DOP1B: variants seen among roughly 807,000 people sequenced by gnomAD.
DOP1B encodes DOP1 leucine zipper like protein B, also known as protein DOP1B.
DOP1B carries 174 observed loss-of-function variants against 233.5 expected under a neutral mutation model. That is an observed-to-expected ratio of 0.75 (90% CI 0.66 to 0.85). DOP1B has a LOEUF of 0.85. Among genes scored for constraint, DOP1B ranks in the 40% least tolerant of loss-of-function variants. The pLI is 0.00. For synonymous variants in DOP1B, 1,190 were observed against 1,185.6 expected (o/e 1.00, Z -0.08); for missense variants, 2,652 against 2,846.6 (o/e 0.93, Z 1.56).
In DOP1B at chr21:36,176,097, C is replaced by CCTGTGTGTGTGTGTGTGTGT. The variant is rs1555886144; in HGVS notation, c.138+11226_138+11227insCTGTGTGTGTGTGTGTGTGT. 8.5e-5 allele frequency among the ~76,000 whole-genome samples: 12 copies of CCTGTGTGTGTGTGTGTGTGT among 141,848 alleles called. 2 individuals carry two copies. Among genetic ancestry groups the CCTGTGTGTGTGTGTGTGTGT allele is most frequent in the African/African-American group, 3.1e-4 (12 of 38,884 alleles). 93.1% of individuals were successfully genotyped at this position (141,848 alleles called of 152,430 possible). ...GAGCTTCGACTTTGGGGTGTGTGTG[C>CCTGTGTGTGTGTGTGTGTGT]GTGTGTGTGTGTGTGTGTGTGTGTG... On this transcript the variant is annotated intron_variant, in intron 2 of 36. Coordinates refer to ENST00000691173, the MANE Select transcript of DOP1B (RefSeq NM_001320714.2).
chr21:36,199,889 A>G (rs541723343), intron 3 of DOP1B, among the ~76,000 whole-genome samples: 6 of 152,312 alleles, frequency 3.9e-5, no homozygotes, highest in African/African-American at 1.2e-4. Flanking sequence ...TAGTGTTGCA[A>G]TAAATATACG....
At chr21:36,252,033 C>T (rs972802178) in intron 22 of DOP1B, among the ~76,000 whole-genome samples, 154 of 152,016 alleles carry the variant, frequency 1.0e-3, no homozygotes, top group African/African-American at 3.5e-3. Context: ...AAAAATTAGC[C>T]GGGCGTGGTG....
chr21:36,287,819 T>TCAAG (rs2067504319), intron 32 of DOP1B, among the ~76,000 whole-genome samples, 195 bp from the exon 33 acceptor site: 5 of 151,992 alleles, frequency 3.3e-5, no homozygotes, highest in African/African-American at 4.8e-5. Flanking sequence ...ACTCCTTATC[T>TCAAG]TGTTATCCGC....
At chr21:36,249,724 C>T (rs959200944) in intron 21 of DOP1B, among the ~76,000 whole-genome samples, 23 of 152,148 alleles carry the variant, frequency 1.5e-4, no homozygotes, top group African/African-American at 5.1e-4. Flanking sequence ...ATCTGTGTTA[C>T]TGTGTGTGGC....
chr21:36,212,969 A>G (rs987909435), intron 7 of DOP1B, among the ~76,000 whole-genome samples: 1 of 152,068 alleles, frequency 6.6e-6, no homozygotes. Context: ...TTTAGTAGAG[A>G]TGGGGTTTCG....
chr21:36,238,047 A>G (rs1361748979), intron 16 of DOP1B, among the ~76,000 whole-genome samples: 1 of 152,160 alleles, frequency 6.6e-6, no homozygotes, highest in Non-Finnish European at 1.5e-5. Context: ...CATGCCTGTA[A>G]TCCCAGCTAC....
At chr21:36,228,319 C>G (rs538290364) in intron 13 of DOP1B, among the ~76,000 whole-genome samples, 239 of 152,096 alleles carry the variant, frequency 1.6e-3, no homozygotes, top group African/African-American at 5.5e-3. Flanking sequence ...AAAAATTAGC[C>G]AGGCATGGTG....
chr21:36,235,911 A>G (rs1278833516), intron 15 of DOP1B, among the ~76,000 whole-genome samples: 1 of 151,944 alleles, frequency 6.6e-6, no homozygotes, highest in Non-Finnish European at 1.5e-5. Flanking sequence ...TCAGAATTCA[A>G]TTGTAATGTG....
intron 2 of DOP1B, among the ~76,000 whole-genome samples, chr21:36,196,731 A>G (rs368737765): frequency 1.9e-4 from 29 of 152,154 alleles, no homozygotes; most frequent in South Asian, 1.7e-3. Context: ...ATTCTGAGCA[A>G]TGTAGGGAGA....
At chr21:36,241,116 A>C (rs541020902) in intron 18 of DOP1B, among the ~76,000 whole-genome samples, 107 of 152,086 alleles carry the variant, frequency 7.0e-4, no homozygotes, top group African/African-American at 2.5e-3. Context: ...AACACGGTGA[A>C]ACCCCATCTC....
chr21:36,236,504 C>T (rs1385252634), intron 15 of DOP1B, among the ~76,000 whole-genome samples: 1 of 152,184 alleles, frequency 6.6e-6, no homozygotes, highest in Non-Finnish European at 1.5e-5. Flanking sequence ...AATGAGTGAT[C>T]TTGACAACCA....
intron 9 of DOP1B, 82 bp from the exon 10 acceptor site, chr21:36,219,290 T>TGTCTTATGTATATAC: frequency 6.5e-7 from 1 of 1,540,378 alleles, no homozygotes. Context: ...ACTGTATATA[T>TGTCTTATGTATATAC]GTCTTATGTA....
At chr21:36,260,558 G>T in intron 23 of DOP1B, 119 bp from the exon 24 acceptor site, 1 of 1,354,838 alleles carries the variant, frequency 7.4e-7, no homozygotes, top group East Asian at 2.3e-5. Flanking sequence ...ATATCTGAAA[G>T]ATTCTTTAGT....
intron 12 of DOP1B, among the ~76,000 whole-genome samples, 166 bp downstream of exon 12, chr21:36,225,833 TTAA>T (rs2066676400): frequency 6.6e-6 from 1 of 152,250 alleles, no homozygotes; most frequent in Non-Finnish European, 1.5e-5. Flanking sequence ...ATGTAATCTC[TTAA>T]ATTTTTAATG....
chr21:36,209,133 T>C (rs926889248), intron 5 of DOP1B, among the ~76,000 whole-genome samples: 1 of 152,192 alleles, frequency 6.6e-6, no homozygotes, highest in Non-Finnish European at 1.5e-5. Context: ...GTTTTTGTTT[T>C]TGTTTTGAGA....
intron 15 of DOP1B, 29 bp downstream of exon 15, chr21:36,233,104 T>C (rs1276918369): frequency 3.7e-6 from 6 of 1,607,298 alleles, no homozygotes; most frequent in Non-Finnish European, 5.1e-6. Flanking sequence ...ACTCTTCTTA[T>C]GGCCTCCTTC....
Position 36,230,983 on chromosome 21 carries a change from G to A in DOP1B, c.2199G>A (p.Glu733=). The A allele has an allele frequency of 6.2e-7, 1 of 1,614,214 alleles. No individual in the cohort carries two copies. The highest frequency in any genetic ancestry group is 8.5e-7 in the Non-Finnish European group (1 of 1,180,038). Residue 733 remains glutamate, a synonymous_variant, in exon 14 of 37, where the codon GAG becomes GAA. Transcript: ENST00000691173. The stretch of plus-strand genomic sequence containing the variant: ...AAAACGGGGGAGAATGGGATGTTGA[G>A]AAGGTGGTCATTGACCTGGGGGGTT... ...ARKNGGEWDV[E]KVVIDLGGSR...
At chr21:36,250,206 G>T (rs1028162476) in intron 21 of DOP1B, among the ~76,000 whole-genome samples, 2 of 152,162 alleles carry the variant, frequency 1.3e-5, no homozygotes, top group African/African-American at 4.8e-5. Context: ...GAAAAGAGGG[G>T]ACAGCTCCAT....
At chr21:36,249,222 G>A (rs893770658) in intron 21 of DOP1B, among the ~76,000 whole-genome samples, 1 of 152,028 alleles carries the variant, frequency 6.6e-6, no homozygotes, top group African/African-American at 2.4e-5. Flanking sequence ...GAGCTCAGGA[G>A]TTCAAGACCA....
Sources: allele counts gnomAD v4.1 joint callset (sites outside exome capture counted in the v4.1 genomes callset), GRCh38; gene constraint gnomAD v4.1.1; transcripts MANE v1.5; gene names NCBI Gene and HGNC (gene_info 2026-07-23, HGNC 2026-07-21).